Variants in MYLK3 observed in about 807,000 individuals in gnomAD.
The protein encoded by MYLK3 is myosin light chain kinase 3.
MYLK3 carries 55 observed loss-of-function variants against 76.3 expected under a neutral mutation model. The observed-to-expected ratio is 0.72, with a 90% CI of 0.58 to 0.90. The LOEUF is 0.90. Among genes scored for constraint, MYLK3 ranks in the 40% least tolerant of loss-of-function variants. The probability of loss-of-function intolerance (pLI) is 0.00; values close to 1 mark genes in which losing one functional copy is unlikely to be tolerated. For missense variants in MYLK3, 973 were observed against 1,053.6 expected (o/e 0.92, Z 1.06); for synonymous variants, 416 against 425.4 (o/e 0.98, Z 0.27).
chr16:46,759,250 T>C (rs1348300940), intron 1 of MYLK3, among the ~76,000 whole-genome samples: 1 of 152,226 alleles, frequency 6.6e-6, no homozygotes, highest in Admixed American at 6.5e-5. Flanking sequence ...AACTGTTCCC[T>C]GCCTAAGCAA....
At chr16:46,733,163 A>G (rs1320681670) in intron 3 of MYLK3, among the ~76,000 whole-genome samples, 1 of 152,118 alleles carries the variant, frequency 6.6e-6, no homozygotes, top group African/African-American at 2.4e-5. Context: ...GGAGTTTGAG[A>G]CCAGCCTGGG....
chr16:46,713,195 A>G (rs886623666), intron 9 of MYLK3, among the ~76,000 whole-genome samples: 6 of 111,516 alleles, frequency 5.4e-5, no homozygotes, highest in African/African-American at 2.0e-4. Context: ...GGTATATATG[A>G]TGCCTTTTTT....
chr16:46,752,917 A>G (rs918602625), upstream of MYLK3, among the ~76,000 whole-genome samples: 11 of 152,146 alleles, frequency 7.2e-5, no homozygotes, highest in African/African-American at 2.4e-4. Context: ...CAAGGCTCTG[A>G]CTCAAGTTGA....
At chr16:46,759,788 C>T (rs1431423826) in intron 1 of MYLK3, among the ~76,000 whole-genome samples, 1 of 152,124 alleles carries the variant, frequency 6.6e-6, no homozygotes. Flanking sequence ...GGCACCACCA[C>T]ACCTGGCTAA....
rs528981118 is a variant in MYLK3, at chr16:46,730,651, C to G, written c.1510G>C (p.Val504Leu). 1.2e-6 allele frequency: 2 copies of G among 1,613,940 alleles called. No individual in the cohort carries two copies. The highest frequency in any genetic ancestry group is 2.7e-5 in the African/African-American group (2 of 74,934). ...CCCGCAGAGATGGAGGTCTCCTTGA[C>G]GCTCACTACCCGGTGTTCAAAAGGA... ...PAPFEHRVVS[V>L]KETSISAGYE... Residue 504 changes from valine to leucine, a missense_variant, in exon 5 of 13, where the codon GTC (valine) becomes CTC (leucine). Coordinates refer to ENST00000394809, the MANE Select transcript of MYLK3 (RefSeq NM_182493.3).
At position 46,732,404 on chromosome 16, in the gene MYLK3, G is replaced by C. The variant is rs550746703; in HGVS notation, c.1266C>G (p.Ala422=). 17 of 1,613,444 alleles carry C rather than the reference G, an allele frequency of 1.1e-5. No individual in the cohort carries two copies. The highest frequency in any genetic ancestry group is 1.3e-5 in the Non-Finnish European group (15 of 1,180,020). Residue 422 remains alanine, a synonymous_variant, in exon 4 of 13, where the codon GCC becomes GCG. Transcript: ENST00000394809. The part of the protein sequence containing the change: ...VKAEEEQRAG[A]EPGTRPSLAR... ...CCAAGCTTGGTCTCGTGCCAGGCTC[G>C]GCCCCAGCCCTTTGCTCCTCCTCTG...
chr16:46,710,898 G>T, intron 10 of MYLK3, 109 bp from the exon 11 acceptor site: 1 of 1,330,674 alleles, frequency 7.5e-7, no homozygotes, highest in Non-Finnish European at 1.1e-6. Context: ...AGAACCAAGA[G>T]GGTTCAAAAT....
At position 46,727,479 on chromosome 16, in the gene MYLK3, A is replaced by ACCATCACACC. The variant is rs1966845003; in HGVS notation, c.1773-112_1773-103dup. 4.7e-6 allele frequency: 6 copies of ACCATCACACC among 1,289,266 alleles called. No homozygotes were observed. In the South Asian group the frequency reaches 7.8e-5, roughly 17 times the overall value. The allele number at this position is 1,289,266 out of a possible 1,614,324, so 79.9% of individuals were successfully genotyped here. On this transcript the variant is annotated intron_variant, in intron 7 of 12. Coordinates refer to ENST00000394809, the MANE Select transcript of MYLK3 (RefSeq NM_182493.3). Reference sequence around the variant, plus strand: ...AAAAGAGGCCAGCCCGGGTAGGCCCACCATCACACCCCATGGGTCACAGGG... The same window carrying ACCATCACACC: ...AAAAGAGGCCAGCCCGGGTAGGCCCACCATCACACCCCATCACACCCCATGGGTCACAGGG...
rs910469820 is a variant in MYLK3 at position 46,703,230 on chromosome 16, A to C, written c.*4474T>G. 4 of 152,230 alleles carry C rather than the reference A, an allele frequency of 2.6e-5. No individual in the cohort carries two copies. Among genetic ancestry groups the C allele is most frequent in the Non-Finnish European group, 1.5e-5 (1 of 68,046 alleles). The allele number at this position is 152,230 out of a possible 1,614,324, so 9.4% of individuals were successfully genotyped here. Reference sequence around the variant, plus strand: ...ACATGGATGTGGCAAAATTCATTTAACTAAAACCAAACTAATAGGCATGTG... The same window carrying C: ...ACATGGATGTGGCAAAATTCATTTACCTAAAACCAAACTAATAGGCATGTG... On this transcript the variant is annotated 3_prime_UTR_variant, in exon 13 of 13. Transcript: ENST00000394809.
chr16:46,751,582 A>G (rs1596777049), upstream of MYLK3, among the ~76,000 whole-genome samples: 1 of 152,156 alleles, frequency 6.6e-6, no homozygotes, highest in African/African-American at 2.4e-5. Flanking sequence ...CGCCTGGTAC[A>G]TGGCAGGTGT....
At chr16:46,710,566 C>T (rs1010544379) in intron 11 of MYLK3, 71 bp downstream of exon 11, 2 of 1,543,942 alleles carry the variant, frequency 1.3e-6, no homozygotes, top group Admixed American at 3.7e-5. Context: ...TCACGGTCAG[C>T]AGTCCTGCCC....
chr16:46,740,012 T>C, intron 2 of MYLK3, 45 bp downstream of exon 2: 1 of 1,376,612 alleles, frequency 7.3e-7, no homozygotes, highest in Non-Finnish European at 1.0e-6. Context: ...ATTCTGAAGC[T>C]GTTGTGTCTG....
chr16:46,711,587 CG>C, intron 10 of MYLK3: 1 of 397,652 alleles, frequency 2.5e-6, no homozygotes. Flanking sequence ...CATAGCTCAC[CG>C]CAGCCTCAAA....
At chr16:46,759,990 TTTTC>T (rs1463617360) in intron 1 of MYLK3, among the ~76,000 whole-genome samples, 1 of 152,216 alleles carries the variant, frequency 6.6e-6, no homozygotes, top group Non-Finnish European at 1.5e-5. Context: ...GAACCCAACT[TTTTC>T]TATGAGGGGC....
At chr16:46,707,951 G>A (rs185721324) in intron 12 of MYLK3, among the ~76,000 whole-genome samples, 188 bp from the exon 13 acceptor site, 2,111 of 152,182 alleles carry the variant, frequency 0.014, 51 homozygotes, top group African/African-American at 0.048. Context: ...CATGTTGGGA[G>A]TAAATATGAA....
chr16:46,718,863 G>T (rs1352921189), intron 9 of MYLK3, among the ~76,000 whole-genome samples: 1 of 151,878 alleles, frequency 6.6e-6, no homozygotes, highest in African/African-American at 2.4e-5. Flanking sequence ...CTACTCGGGA[G>T]GCTGAGGCAG....
At position 46,704,786 on chromosome 16, in the gene MYLK3, C is replaced by T. The variant is rs1198827617; in HGVS notation, c.*2918G>A. 6.6e-6 allele frequency: 1 copy of T among 152,176 alleles called. No individual in the cohort carries two copies. Among genetic ancestry groups the T allele is most frequent in the African/African-American group, 2.4e-5 (1 of 41,436 alleles). 9.4% of individuals were successfully genotyped at this position (152,176 alleles called of 1,614,324 possible). ...ACTGTCTTTTTCTGGGGAGATGTTT[C>T]ATAGCATTCTCCAGAATCTTAAGTC... On this transcript the variant is annotated 3_prime_UTR_variant, in exon 13 of 13. Coordinates refer to ENST00000394809, the MANE Select transcript of MYLK3 (RefSeq NM_182493.3).
At position 46,727,328 on chromosome 16, in the gene MYLK3, G is replaced by A. The variant is rs1184464382; in HGVS notation, c.1822C>T (p.Leu608=). The change falls in exon 8 of 13, where the codon CTG becomes TTG. Residue 608 remains leucine, a synonymous_variant. Transcript: ENST00000394809. ...FDRITDEKYH[L]TELDVVLFTR... is the part of the protein sequence containing the mutation. ...AACAGGACCACATCCAGCTCAGTCA[G>A]GTGGTACTTCTCATCTGTGATCCGG... 2 of 1,613,938 alleles carry A rather than the reference G, an allele frequency of 1.2e-6. No individual in the cohort carries two copies. The highest frequency in any genetic ancestry group is 1.7e-6 in the Non-Finnish European group (2 of 1,179,796).
Position 46,728,999 on chromosome 16 carries a change from C to T in MYLK3, c.1772+25G>A, listed in dbSNP as rs201915691. On this transcript the variant is annotated intron_variant, in intron 7 of 12. Transcript: ENST00000394809. ...CACTGAGCCCTGGCTTGAGCCGAGG[C>T]GGCCGCCCCGCCTCTGATACTCACT... 6.3e-5 allele frequency: 100 copies of T among 1,580,278 alleles called. 1 individual carries two copies. The highest frequency in any genetic ancestry group is 2.2e-4 in the South Asian group (20 of 90,398).
Sources: allele counts gnomAD v4.1 joint callset (sites outside exome capture counted in the v4.1 genomes callset), GRCh38; gene constraint gnomAD v4.1.1; transcripts MANE v1.5; gene names NCBI Gene and HGNC (gene_info 2026-07-23, HGNC 2026-07-21).